MSRB3: variants seen among roughly 807,000 people sequenced by gnomAD.
MSRB3 encodes methionine-R-sulfoxide reductase B3.
Under a neutral mutation model 21.0 loss-of-function variants are expected in MSRB3, and 13 were observed. The ratio of observed to expected loss-of-function variants is 0.62; its 90% CI spans 0.40 to 0.98. The LOEUF (loss-of-function observed/expected upper bound fraction) is 0.98. Ranked by LOEUF, MSRB3 falls within the 50% of genes least tolerant of loss-of-function variation. The pLI, the probability that MSRB3 is intolerant of heterozygous loss-of-function variation, is 0.00. For synonymous variants in MSRB3, 87 were observed against 88.6 expected, an observed-to-expected ratio of 0.98 and a Z score of 0.10; for missense variants, 199 against 230.3, an observed-to-expected ratio of 0.86 and a Z score of 0.88.
intron 4 of MSRB3, among the ~76,000 whole-genome samples, chr12:65,353,713 T>C (rs1451062592): frequency 6.6e-6 from 1 of 152,218 alleles, no homozygotes; most frequent in East Asian, 1.9e-4. Flanking sequence ...TTGGAGCATT[T>C]AGCCCATTTA....
intron 5 of MSRB3, among the ~76,000 whole-genome samples, chr12:65,417,718 A>C (rs1335710738): frequency 1.3e-5 from 2 of 152,220 alleles, no homozygotes; most frequent in Non-Finnish European, 2.9e-5. Flanking sequence ...TCCATATATA[A>C]GTTAGATCAT....
intron 5 of MSRB3, among the ~76,000 whole-genome samples, chr12:65,450,316 T>C (rs1374027696): frequency 6.6e-6 from 1 of 152,196 alleles, no homozygotes; most frequent in African/African-American, 2.4e-5. Flanking sequence ...AGAACAGCCA[T>C]ATTTCAACTT....
intron 2 of MSRB3, among the ~76,000 whole-genome samples, chr12:65,309,940 AT>A (rs1873889250): frequency 6.6e-6 from 1 of 152,164 alleles, no homozygotes; most frequent in Non-Finnish European, 1.5e-5. Context: ...GTTTTAAGGA[AT>A]TTAAGTCTTG....
At chr12:65,445,920 G>A (rs1239001825) in intron 5 of MSRB3, among the ~76,000 whole-genome samples, 1 of 152,054 alleles carries the variant, frequency 6.6e-6, no homozygotes, top group Admixed American at 6.6e-5. Flanking sequence ...GCTGGGATTA[G>A]AGGTGTGAGC....
At chr12:65,427,043 CTTTAG>C (rs1466904167) in intron 5 of MSRB3, among the ~76,000 whole-genome samples, 2 of 152,170 alleles carry the variant, frequency 1.3e-5, no homozygotes, top group African/African-American at 4.8e-5. Context: ...ATCTCCATTT[CTTTAG>C]GGTCACCTAC....
intron 5 of MSRB3, among the ~76,000 whole-genome samples, chr12:65,436,025 C>G (rs1155167): frequency 0.94 from 143,067 of 151,828 alleles, 68,028 homozygotes; most frequent in East Asian, 1. Flanking sequence ...TGGTAGTACA[C>G]CCCAGGTAGG....
intron 5 of MSRB3, among the ~76,000 whole-genome samples, chr12:65,403,039 C>T (rs550371814): frequency 4.3e-4 from 65 of 152,326 alleles, no homozygotes; most frequent in Non-Finnish European, 7.5e-4. Context: ...AGGTGTCTGT[C>T]GACCTCTGCT....
chr12:65,290,613 A>C (rs1264694718), intron 1 of MSRB3, among the ~76,000 whole-genome samples: 1 of 152,174 alleles, frequency 6.6e-6, no homozygotes. Flanking sequence ...TGGGGGGAAA[A>C]GTATGCCTTA....
intron 4 of MSRB3, among the ~76,000 whole-genome samples, chr12:65,353,592 A>T (rs1222444020): frequency 2.0e-5 from 3 of 151,942 alleles, no homozygotes; most frequent in Non-Finnish European, 4.4e-5. Flanking sequence ...ATCTTCCTCC[A>T]TCCCTTTATT....
At chr12:65,459,026 G>A (rs1883208855) in intron 6 of MSRB3, among the ~76,000 whole-genome samples, 1 of 152,176 alleles carries the variant, frequency 6.6e-6, no homozygotes, top group African/African-American at 2.4e-5. Flanking sequence ...GTTCCTTCTA[G>A]AATACTTGGG....
chr12:65,340,642 A>G (rs753418497), intron 4 of MSRB3, among the ~76,000 whole-genome samples: 23 of 152,172 alleles, frequency 1.5e-4, no homozygotes, highest in Non-Finnish European at 3.4e-4. Context: ...TAAATTCTAG[A>G]GGTTGATCTT....
intron 4 of MSRB3, among the ~76,000 whole-genome samples, chr12:65,349,897 GA>G (rs1876818263): frequency 6.6e-6 from 1 of 152,016 alleles, no homozygotes; most frequent in South Asian, 2.1e-4. Flanking sequence ...TTGCTGTGCA[GA>G]AGCTCTTTAG....
intron 5 of MSRB3, among the ~76,000 whole-genome samples, chr12:65,387,845 T>A (rs1466461118): frequency 6.6e-6 from 1 of 152,156 alleles, no homozygotes; most frequent in Non-Finnish European, 1.5e-5. Context: ...TGCTTGATTT[T>A]TTTTTCCTAC....
chr12:65,389,039 C>G (rs1425675087), intron 5 of MSRB3, among the ~76,000 whole-genome samples: 1 of 152,094 alleles, frequency 6.6e-6, no homozygotes, highest in African/African-American at 2.4e-5. Flanking sequence ...ATGTTAATGA[C>G]ATATCTGGGG....
intron 4 of MSRB3, among the ~76,000 whole-genome samples, chr12:65,333,155 T>G (rs1875538842): frequency 6.6e-6 from 1 of 152,238 alleles, no homozygotes; most frequent in Non-Finnish European, 1.5e-5. Flanking sequence ...TTTGCTTTGG[T>G]TGACACTTTC....
chr12:65,328,628 T>C (rs1875212831), intron 4 of MSRB3, 25 bp downstream of exon 4: 4 of 1,481,364 alleles, frequency 2.7e-6, no homozygotes, highest in Non-Finnish European at 3.8e-6. Flanking sequence ...AACCTATAGG[T>C]ATGGCTGTAT....
chr12:65,399,862 T>C (rs995985839), intron 5 of MSRB3, among the ~76,000 whole-genome samples: 5 of 152,226 alleles, frequency 3.3e-5, no homozygotes, highest in African/African-American at 7.2e-5. Flanking sequence ...GAGATAATCA[T>C]GTGTTTTTTG....
intron 4 of MSRB3, among the ~76,000 whole-genome samples, chr12:65,332,085 G>T (rs1208278818): frequency 1.3e-5 from 2 of 152,190 alleles, no homozygotes; most frequent in Admixed American, 1.3e-4. Flanking sequence ...CCCCATTTTA[G>T]CAGAGCAGGC....
At chr12:65,328,246 C>CT (rs543873955) in intron 3 of MSRB3, among the ~76,000 whole-genome samples, 127 of 146,376 alleles carry the variant, frequency 8.7e-4, no homozygotes, top group African/African-American at 1.1e-3. Context: ...AAACTACAGG[C>CT]TTTTTTTTTT....
Sources: gnomAD v4.1 joint callset for allele counts (sites outside exome capture counted in the v4.1 genomes callset) on GRCh38, gnomAD v4.1.1 for gene constraint, MANE v1.5 for transcripts, NCBI Gene and HGNC (gene_info 2026-07-23, HGNC 2026-07-21) for gene names.